SLC2A3: variants seen among roughly 807,000 people sequenced by gnomAD.
SLC2A3 encodes solute carrier family 2 member 3, also known as solute carrier family 2, facilitated glucose transporter member 3.
In SLC2A3, 21 loss-of-function variants were observed where a neutral mutation model predicts 46.4. That is an observed-to-expected ratio of 0.45 (90% CI 0.32 to 0.65). SLC2A3 has a LOEUF of 0.65. Ranked by LOEUF, SLC2A3 falls within the 30% of genes least tolerant of loss-of-function variation. The pLI, the probability that SLC2A3 is intolerant of heterozygous loss-of-function variation, is 0.04. For synonymous variants in SLC2A3, 213 were observed against 239.4 expected, an observed-to-expected ratio of 0.89 and a Z score of 1.02; for missense variants, 499 against 623.3, an observed-to-expected ratio of 0.80 and a Z score of 2.12.
At chr12:7,930,954 G>A (rs934231785) in intron 4 of SLC2A3, among the ~76,000 whole-genome samples, 1 of 151,660 alleles carries the variant, frequency 6.6e-6, no homozygotes, top group Non-Finnish European at 1.5e-5. Flanking sequence ...CCGCTACCAC[G>A]CCCGACCAAT....
At chr12:7,923,848 A>C (rs1006628486) in intron 8 of SLC2A3, among the ~76,000 whole-genome samples, 5 of 149,150 alleles carry the variant, frequency 3.4e-5, no homozygotes, top group African/African-American at 1.0e-4. Flanking sequence ...AACTTACCAC[A>C]ACCTCTGCCT....
chr12:7,923,608 T>A (rs939317126), intron 8 of SLC2A3, among the ~76,000 whole-genome samples: 3 of 151,400 alleles, frequency 2.0e-5, no homozygotes, highest in Admixed American at 2.0e-4. Context: ...AGTGAAACCC[T>A]GTCTCAAAAA....
At chr12:7,932,792 G>C (rs1302519373) in intron 3 of SLC2A3, 195 bp downstream of exon 3, 16 of 684,162 alleles carry the variant, frequency 2.3e-5, no homozygotes, top group Non-Finnish European at 3.8e-5. Flanking sequence ...TTGCACAGCT[G>C]GGTGGGAGCT....
chr12:7,922,889 T>C lies in SLC2A3; in HGVS notation c.1204A>G (p.Met402Val), dbSNP rs975763809. 1.2e-6 allele frequency: 2 copies of C among 1,613,996 alleles called. No individual in the cohort carries two copies. Among genetic ancestry groups the C allele is most frequent in the African/African-American group, 1.3e-5 (1 of 74,924 alleles). The change falls in exon 9 of 10, where the codon ATG (methionine) becomes GTG (valine). Residue 402 changes from methionine to valine, a missense_variant. This residue lies in a region of SLC2A3 where 179 missense variants were observed against 205.1 expected (regional missense o/e 0.87). Transcript: ENST00000075120. ...LFSQGPRPAA[M>V]AVAGCSNWTS... Reference sequence around the variant, plus strand: ...CAGTTGGAGCAGCCGGCCACTGCCATCGCAGCTGGGCGGGGGCCCTGGCTG... The same window carrying C: ...CAGTTGGAGCAGCCGGCCACTGCCACCGCAGCTGGGCGGGGGCCCTGGCTG...
rs764011846 is a variant in SLC2A3, at chr12:7,922,836, G to A, written c.1257C>T (p.Leu419=). 9.9e-6 allele frequency: 16 copies of A among 1,614,018 alleles called. No homozygotes were observed. The highest frequency in any genetic ancestry group is 1.4e-5 in the Non-Finnish European group (16 of 1,179,908). Residue 419 remains leucine (L), a synonymous_variant, in exon 9 of 10, where the codon CTC becomes CTT. Transcript: ENST00000075120. The part of the protein sequence containing the change: ...NWTSNFLVGL[L]FPSAAHYLGA... ...GTTTACTTACAGCAGCGGAGGGGAA[G>A]AGCAATCCGACTAGGAAGTTGGAGG...
chr12:7,933,593 A>T, intron 2 of SLC2A3: 1 of 542,398 alleles, frequency 1.8e-6, no homozygotes, highest in Non-Finnish European at 3.3e-6. Flanking sequence ...AGTTTGTCTT[A>T]AAATCCCCTA....
In SLC2A3 at chr12:7,933,016, G is replaced by C. The variant is rs766225842; in HGVS notation, c.240C>G (p.Ser80=). The C allele has an allele frequency of 1.9e-6, 3 of 1,613,900 alleles. No homozygotes were observed. The highest frequency in any genetic ancestry group is 1.7e-5 in the Admixed American group (1 of 59,982). Reference sequence around the variant, plus strand: ...CAAAGCGGTTGACGAAGAGTCCGACGGAAAAGGAGCCGATCATACCCCCGA... The same window carrying C: ...CAAAGCGGTTGACGAAGAGTCCGACCGAAAAGGAGCCGATCATACCCCCGA... ...FSVGGMIGSF[S]VGLFVNRFGR... The change falls in exon 3 of 10, where the codon TCC becomes TCG. Residue 80 remains serine (S), a synonymous_variant. Coordinates refer to ENST00000075120, the MANE Select transcript of SLC2A3 (RefSeq NM_006931.3).
intron 9 of SLC2A3, among the ~76,000 whole-genome samples, chr12:7,922,238 T>C (rs997591195): frequency 3.3e-5 from 5 of 152,004 alleles, no homozygotes; most frequent in South Asian, 2.1e-4. Context: ...CTAATTTTTG[T>C]ATTTATTGTA....
At position 7,920,900 on chromosome 12, in the gene SLC2A3, TAA is replaced by T. The variant is rs1028783890; in HGVS notation, c.*511_*512del. ...GCACATGTATCCTGAAACTTAAAGT[TAA>T]AAAAAAAAAATTATGTAATTAAACC... On this transcript the variant is annotated 3_prime_UTR_variant, in exon 10 of 10. Coordinates refer to ENST00000075120, the MANE Select transcript of SLC2A3 (RefSeq NM_006931.3). 2.2e-4 allele frequency: 2 copies of T among 8,982 alleles called. No individual in the cohort carries two copies. Among genetic ancestry groups the T allele is most frequent in the Admixed American group, 1.1e-3 (1 of 886 alleles). 0.6% of individuals were successfully genotyped at this position (8,982 alleles called of 1,614,324 possible).
chr12:7,925,744 A>G lies in SLC2A3; in HGVS notation c.966+100T>C, dbSNP rs149020451. 7,952 of 945,534 alleles carry G rather than the reference A, an allele frequency of 8.4e-3. 59 individuals carry two copies. The highest frequency in any genetic ancestry group is 0.011 in the Non-Finnish European group (6,387 of 600,496). 58.6% of individuals were successfully genotyped at this position (945,534 alleles called of 1,614,324 possible). On this transcript the variant is annotated intron_variant, in intron 7 of 9. Coordinates refer to ENST00000075120, the MANE Select transcript of SLC2A3 (RefSeq NM_006931.3). ...TTTCCCAAAGGAAAATTAAGCAACAAAAAGGTAACTAAATGATGGTAGGGT... is the reference window on the plus strand; with the variant it reads ...TTTCCCAAAGGAAAATTAAGCAACAGAAAGGTAACTAAATGATGGTAGGGT...
chr12:7,919,973 A>C lies in SLC2A3; in HGVS notation c.*1440T>G, dbSNP rs1413471904. 6.6e-6 allele frequency: 1 copy of C among 152,212 alleles called. No homozygotes were observed. The highest frequency in any genetic ancestry group is 6.5e-5 in the Admixed American group (1 of 15,268). The allele number at this position is 152,212 out of a possible 1,614,324, so 9.4% of individuals were successfully genotyped here. ...TCCTCTCAAGTGTGGGCTACACTGC[A>C]CATTGACTCATACTGTCTAAACCTG... is the stretch of plus-strand genomic sequence containing the variant. On this transcript the variant is annotated 3_prime_UTR_variant, in exon 10 of 10. Transcript: ENST00000075120.
At chr12:7,927,280 T>C (rs1463348599) in intron 6 of SLC2A3, among the ~76,000 whole-genome samples, 1 of 152,118 alleles carries the variant, frequency 6.6e-6, no homozygotes, top group Non-Finnish European at 1.5e-5. Flanking sequence ...GTCAAGCTTG[T>C]GGGGAAATAT....
chr12:7,933,787 AATT>A lies in SLC2A3; in HGVS notation c.108+20_108+22del. The A allele has an allele frequency of 1.2e-6, 2 of 1,603,388 alleles. No individual in the cohort carries two copies. ...GAATAACTTCCCTATTCTAAATTCT[AATT>A]ATTGTGGCCTGGCACTCACCTTCTC... On this transcript the variant is annotated intron_variant, in intron 2 of 9. Coordinates refer to ENST00000075120, the MANE Select transcript of SLC2A3 (RefSeq NM_006931.3).
In SLC2A3 at chr12:7,931,338, G is replaced by A. The variant is rs1565604648; in HGVS notation, c.417C>T (p.Pro139=). The A allele has an allele frequency of 6.2e-7, 1 of 1,614,130 alleles. No homozygotes were observed. The stretch of plus-strand genomic sequence containing the variant: ...TAGGCGAGATCTCTCCAATGTACAT[G>A]GGCACAAAACCTGTGCAGAGTCCGC... The part of the protein sequence containing the change: ...LFCGLCTGFV[P]MYIGEISPTA... Residue 139 remains proline, a synonymous_variant, in exon 4 of 10, where the codon CCC becomes CCT. Transcript: ENST00000075120.
chr12:7,923,029 A>G lies in SLC2A3; in HGVS notation c.1069-5T>C, dbSNP rs1338404892. 7 of 1,610,216 alleles carry G rather than the reference A, an allele frequency of 4.3e-6. No individual in the cohort carries two copies. In the East Asian group the frequency reaches 1.6e-4, roughly 36 times the overall value. ...GCTCATCCCATTATAGTTATCCTGTAAGAGCAAGGAACAGAGAAAATTAAA... is the reference window on the plus strand; with the variant it reads ...GCTCATCCCATTATAGTTATCCTGTGAGAGCAAGGAACAGAGAAAATTAAA... On this transcript the variant is annotated splice_polypyrimidine_tract_variant and splice_region_variant and intron_variant, in intron 8 of 9. Coordinates refer to ENST00000075120, the MANE Select transcript of SLC2A3 (RefSeq NM_006931.3).
intron 7 of SLC2A3, 81 bp downstream of exon 7, chr12:7,925,763 G>T: frequency 9.2e-7 from 1 of 1,084,514 alleles, no homozygotes; most frequent in Non-Finnish European, 1.4e-6. Flanking sequence ...CTAAATGATG[G>T]TAGGGTCATG....
chr12:7,930,326 G>T, intron 5 of SLC2A3, 154 bp downstream of exon 5: 1 of 783,102 alleles, frequency 1.3e-6, no homozygotes, highest in East Asian at 2.8e-5. Flanking sequence ...CATTCTTTAG[G>T]GGCTGAAAAT....
At chr12:7,922,722 G>GCATGAGCCACCATGC in intron 9 of SLC2A3, 99 bp downstream of exon 9, 1 of 1,523,902 alleles carries the variant, frequency 6.6e-7, no homozygotes, top group Non-Finnish European at 8.9e-7. Context: ...AGGATTACAG[G>GCATGAGCCACCATGC]CATGAGCCAC....
intron 3 of SLC2A3, among the ~76,000 whole-genome samples, chr12:7,931,913 G>T (rs1036177018): frequency 5.7e-4 from 83 of 144,446 alleles, no homozygotes; most frequent in South Asian, 2.8e-3. Context: ...ACGGAGTCTT[G>T]GTCTGTCACC....
Sources: gnomAD v4.1 joint callset for allele counts (sites outside exome capture counted in the v4.1 genomes callset) on GRCh38, gnomAD v4.1.1 for gene constraint, gnomAD v4.1.1 regional missense constraint, MANE v1.5 for transcripts, NCBI Gene and HGNC (gene_info 2026-07-23, HGNC 2026-07-21) for gene names.